The following IDH1 variants were observed in gnomAD, a reference collection of about 807,000 sequenced individuals.
IDH1 encodes isocitrate dehydrogenase [NADP] cytoplasmic.
Under a neutral mutation model 46.1 loss-of-function variants are expected in IDH1, and 33 were observed. The ratio of observed to expected loss-of-function variants is 0.72; its 90% CI spans 0.54 to 0.96. IDH1 has a LOEUF of 0.96. Among genes scored for constraint, IDH1 ranks in the 40% least tolerant of loss-of-function variants. The probability of loss-of-function intolerance (pLI) is 0.00; values close to 1 mark genes in which losing one functional copy is unlikely to be tolerated. For synonymous variants in IDH1, 144 were observed against 172.8 expected, an observed-to-expected ratio of 0.83 and a Z score of 1.31; for missense variants, 421 against 515.7, an observed-to-expected ratio of 0.82 and a Z score of 1.78.
At chr2:208,248,800 G>A (rs2124864473) in intron 3 of IDH1, 140 bp from the exon 4 acceptor site, 1 of 735,296 alleles carries the variant, frequency 1.4e-6, no homozygotes, top group Non-Finnish European at 2.3e-6. Flanking sequence ...TTTTAGCACT[G>A]GCACACCCTA....
chr2:208,244,385 C>T (rs1055762482), intron 5 of IDH1, among the ~76,000 whole-genome samples: 1 of 152,182 alleles, frequency 6.6e-6, no homozygotes, highest in Non-Finnish European at 1.5e-5. Flanking sequence ...TTTACAATTC[C>T]CAACATCTAT....
intron 2 of IDH1, among the ~76,000 whole-genome samples, chr2:208,253,111 C>T (rs1688153510): frequency 6.6e-6 from 1 of 152,218 alleles, no homozygotes; most frequent in African/African-American, 2.4e-5. Context: ...ATGCAACAGT[C>T]ATGACATGGC....
rs930048865 is a variant in IDH1, at chr2:208,245,330, T to C, written c.509A>G (p.His170Arg). 6.4e-7 allele frequency: 1 copy of C among 1,567,494 alleles called. No individual in the cohort carries two copies. Among genetic ancestry groups the C allele is most frequent in the African/African-American group, 1.3e-5 (1 of 74,098 alleles). Residue 170 changes from histidine (H) to arginine (R), a missense_variant, in exon 5 of 10, where the codon CAT becomes CGT. Physicochemically the swap from His to Arg is conservative, Grantham distance 29 (BLOSUM62 0). Coordinates refer to ENST00000345146, the MANE Select transcript of IDH1 (RefSeq NM_005896.4). Reference sequence around the variant, plus strand: ...ACAGTCATACATACCTTCAAAGTTATGTACCAGGTATGTCACCTTTTGGGT... The same window carrying C: ...ACAGTCATACATACCTTCAAAGTTACGTACCAGGTATGTCACCTTTTGGGT... ...DGTQKVTYLV[H>R]NFEEGGGVAM...
intron 6 of IDH1, 82 bp from the exon 7 acceptor site, chr2:208,242,227 G>C: frequency 7.9e-7 from 1 of 1,273,578 alleles, no homozygotes. Context: ...CCAAACAGAA[G>C]ACCGGACACA....
intron 1 of IDH1, chr2:208,254,405 G>T (rs1282881371): frequency 6.6e-6 from 1 of 151,764 alleles, no homozygotes; most frequent in African/African-American, 2.4e-5. Flanking sequence ...CTCGCCCCGT[G>T]TGGCCTAGCG....
In IDH1 at chr2:208,251,412, G is replaced by A. The variant is rs2124867918; in HGVS notation, c.122+18C>T. ...TTATCCTTTCTGAGTTTGCTACACG[G>A]AGGGGTAACTCATTTACCTATGTAG... On this transcript the variant is annotated intron_variant, in intron 3 of 9. Coordinates refer to ENST00000345146, the MANE Select transcript of IDH1 (RefSeq NM_005896.4). 1 of 1,611,952 alleles carries A rather than the reference G, an allele frequency of 6.2e-7. No homozygotes were observed. Among genetic ancestry groups the A allele is most frequent in the South Asian group, 1.1e-5 (1 of 91,002 alleles).
chr2:208,242,210 G>T, intron 6 of IDH1, 65 bp from the exon 7 acceptor site: 3 of 1,457,004 alleles, frequency 2.1e-6, no homozygotes, highest in Non-Finnish European at 9.6e-7. Context: ...GATATCATCT[G>T]CTTGTCCCAA....
Position 208,236,670 on chromosome 2 carries a change from G to A in IDH1, c.*409C>T. 1 of 277,788 alleles carries A rather than the reference G, an allele frequency of 3.6e-6. No individual in the cohort carries two copies. Among genetic ancestry groups the A allele is most frequent in the Non-Finnish European group, 6.9e-6 (1 of 145,228 alleles). The allele number at this position is 277,788 out of a possible 1,614,324, so 17.2% of individuals were successfully genotyped here. A position where few individuals can be genotyped will look rare whatever the true frequency, so the allele number is the denominator to read the frequency against. Reference sequence around the variant, plus strand: ...ATCTATGACACCAGAACTTCCCTGTGCCCAAGGTCATGGACAGGAGGGGAA... The same window carrying A: ...ATCTATGACACCAGAACTTCCCTGTACCCAAGGTCATGGACAGGAGGGGAA... On this transcript the variant is annotated 3_prime_UTR_variant, in exon 10 of 10. Transcript: ENST00000345146.
chr2:208,240,034 C>G (rs774171850), intron 7 of IDH1, 31 bp from the exon 8 acceptor site: 1 of 1,613,400 alleles, frequency 6.2e-7, no homozygotes, highest in Non-Finnish European at 8.5e-7. Flanking sequence ...AGCGTTGGGT[C>G]CAACTGCATG....
intron 4 of IDH1, chr2:208,248,078 C>CA (rs1688055595): frequency 2.3e-6 from 1 of 433,654 alleles, no homozygotes; most frequent in Non-Finnish European, 4.2e-6. Context: ...AAATTACCAA[C>CA]ATAAAAATGG....
At chr2:208,248,242 C>G in intron 4 of IDH1, 127 bp downstream of exon 4, 1 of 785,966 alleles carries the variant, frequency 1.3e-6, no homozygotes, top group Non-Finnish European at 2.1e-6. Context: ...ATATGCATTT[C>G]TCAATTTCAT....
chr2:208,248,430 G>A lies in IDH1; in HGVS notation c.353C>T (p.Pro118Leu), dbSNP rs1458009455. 6.2e-7 allele frequency: 1 copy of A among 1,614,114 alleles called. No homozygotes were observed. Among genetic ancestry groups the A allele is most frequent in the Admixed American group, 1.7e-5 (1 of 60,016 alleles). The change falls in exon 4 of 10, where the codon CCC becomes CTC. Residue 118 changes from proline to leucine, a missense_variant. Coordinates refer to ENST00000345146, the MANE Select transcript of IDH1 (RefSeq NM_005896.4). ...FREAIICKNI[P>L]RLVSGWVKPI... Reference sequence around the variant, plus strand: ...TTTTACCCATCCACTCACAAGCCGGGGGATATTTTTGCAGATAATGGCTTC... The same window carrying A: ...TTTTACCCATCCACTCACAAGCCGGAGGATATTTTTGCAGATAATGGCTTC...
intron 9 of IDH1, among the ~76,000 whole-genome samples, chr2:208,238,614 TAAAG>T (rs1226722495): frequency 6.6e-6 from 1 of 152,238 alleles, no homozygotes; most frequent in Non-Finnish European, 1.5e-5. Flanking sequence ...ATCAGTAAGT[TAAAG>T]AAAATAAAGG....
chr2:208,242,151 A>G lies in IDH1; in HGVS notation c.699-6T>C, dbSNP rs114459199. On this transcript the variant is annotated splice_region_variant and splice_polypyrimidine_tract_variant and intron_variant, in intron 6 of 9. Transcript: ENST00000345146. ...CAAACTGGGACTTGTACTGCCTGGG[A>G]AACAAAAGGTAAAAGAGAATAATAA... 3,276 of 1,613,440 alleles carry G rather than the reference A, an allele frequency of 2.0e-3. 54 individuals carry two copies. In the African/African-American group the frequency reaches 0.035, roughly 17 times the overall value.
rs1329954955 is a variant in IDH1 at position 208,243,470 on chromosome 2, A to G, written c.655T>C (p.Tyr219His). Residue 219 changes from tyrosine (Y) to histidine (H), a missense_variant, in exon 6 of 10, where the codon TAT (tyrosine) becomes CAT (histidine). Coordinates refer to ENST00000345146, the MANE Select transcript of IDH1 (RefSeq NM_005896.4). ...AAGATGTCTTTAAAACGCCCATCAT[A>G]TTTCTTCAGAATAGTGTTTTTGGTG... is the stretch of plus-strand genomic sequence containing the variant. The part of the protein sequence containing the change: ...LSTKNTILKK[Y>H]DGRFKDIFQE... The G allele has an allele frequency of 6.2e-7, 1 of 1,614,004 alleles. No homozygotes were observed. The highest frequency in any genetic ancestry group is 8.5e-7 in the Non-Finnish European group (1 of 1,179,890).
At chr2:208,242,926 G>T (rs1172518205) in intron 6 of IDH1, among the ~76,000 whole-genome samples, 1 of 151,946 alleles carries the variant, frequency 6.6e-6, no homozygotes, top group African/African-American at 2.4e-5. Flanking sequence ...CACCACGCCC[G>T]GCTAATTTTT....
intron 4 of IDH1, among the ~76,000 whole-genome samples, chr2:208,245,793 A>C (rs1240475037): frequency 7.2e-6 from 1 of 139,576 alleles, no homozygotes; most frequent in South Asian, 2.5e-4. Context: ...CCCCCCCAAA[A>C]AAAAAAAAAC....
intron 2 of IDH1, among the ~76,000 whole-genome samples, chr2:208,252,399 A>G (rs1375670009): frequency 3.3e-5 from 5 of 152,216 alleles, no homozygotes; most frequent in Non-Finnish European, 7.4e-5. Context: ...CTAGGAAGAC[A>G]GCACTTTAAG....
intron 6 of IDH1, 143 bp downstream of exon 6, chr2:208,243,284 T>A: frequency 3.4e-5 from 22 of 648,252 alleles, no homozygotes; most frequent in Non-Finnish European, 4.0e-5. Flanking sequence ...CTGCTAAACC[T>A]CAGTTTTGCC....
Sources: allele counts gnomAD v4.1 joint callset (sites outside exome capture counted in the v4.1 genomes callset), GRCh38; gene constraint gnomAD v4.1.1; transcripts MANE v1.5; gene names NCBI Gene and HGNC (gene_info 2026-07-23, HGNC 2026-07-21).